Variants in C3orf20 observed in about 807,000 individuals in gnomAD.
C3orf20 encodes the protein family with sequence similarity 149 member C, also known as uncharacterized protein C3orf20.
Under a neutral mutation model 88.3 loss-of-function variants are expected in C3orf20, and 76 were observed. The observed-to-expected ratio is 0.86, with a 90% CI of 0.72 to 1.04. The LOEUF (loss-of-function observed/expected upper bound fraction) is 1.04, where lower values mean the gene tolerates loss of function less well. C3orf20 is among the 50% of genes least tolerant of loss of function. C3orf20 has a pLI of 0.00. For synonymous variants in C3orf20, 436 were observed against 437.4 expected (o/e 1.00, Z 0.04); for missense variants, 1,056 against 1,123.3 (o/e 0.94, Z 0.86).
intron 7 of C3orf20, among the ~76,000 whole-genome samples, chr3:14,704,928 C>T (rs1006869394): frequency 2.0e-4 from 31 of 152,320 alleles, no homozygotes; most frequent in East Asian, 7.7e-4. Context: ...TCAGTTGAGA[C>T]GTGGTTAAAG....
rs149190031 is a variant in C3orf20 at position 14,690,034 on chromosome 3, G to A, written c.663G>A (p.Ser221=). 422 of 1,614,084 alleles carry A rather than the reference G, an allele frequency of 2.6e-4. 3 individuals carry two copies. The African/African-American group carries it at 4.8e-3, about 18-fold the overall frequency. The change falls in exon 5 of 17, where the codon TCG becomes TCA. Residue 221 remains serine (S), a synonymous_variant. Coordinates refer to ENST00000253697, the MANE Select transcript of C3orf20 (RefSeq NM_032137.5). ...LANMSAIGVN[S]PYQLIYHSST... is the part of the protein sequence containing the mutation. The stretch of plus-strand genomic sequence containing the variant: ...ACATGTCCGCCATTGGGGTGAACTC[G>A]CCTTACCAGCTGATCTACCACTCTT...
intron 7 of C3orf20, among the ~76,000 whole-genome samples, chr3:14,709,582 G>T (rs914354439): frequency 3.3e-5 from 5 of 152,056 alleles, no homozygotes; most frequent in Non-Finnish European, 5.9e-5. Context: ...TCATGAAAGG[G>T]TATTGAATTT....
chr3:14,757,357 G>A lies in C3orf20; in HGVS notation c.1941-14G>A. 1 of 1,606,914 alleles carries A rather than the reference G, an allele frequency of 6.2e-7. No individual in the cohort carries two copies. Among genetic ancestry groups the A allele is most frequent in the Non-Finnish European group, 8.5e-7 (1 of 1,177,230 alleles). On this transcript the variant is annotated splice_polypyrimidine_tract_variant and intron_variant, in intron 12 of 16. Transcript: ENST00000253697. Reference sequence around the variant, plus strand: ...CCTTCTGAGGGTCCCTGTGCACTGTGCTCCTCCTTGCAGAGGGAAGGCCCG... The same window carrying A: ...CCTTCTGAGGGTCCCTGTGCACTGTACTCCTCCTTGCAGAGGGAAGGCCCG...
intron 12 of C3orf20, among the ~76,000 whole-genome samples, chr3:14,744,042 G>T (rs1005971818): frequency 1.3e-5 from 2 of 152,148 alleles, no homozygotes; most frequent in East Asian, 1.9e-4. Flanking sequence ...GCAAATTTCT[G>T]CAGCCAACTT....
chr3:14,767,717 C>A (rs1398238698), intron 15 of C3orf20, among the ~76,000 whole-genome samples: 1 of 152,254 alleles, frequency 6.6e-6, no homozygotes, highest in African/African-American at 2.4e-5. Context: ...CCACATGTCC[C>A]CAAAATCACA....
At chr3:14,696,119 G>GTT (rs35824281) in intron 5 of C3orf20, among the ~76,000 whole-genome samples, 96 of 143,962 alleles carry the variant, frequency 6.7e-4, no homozygotes, top group East Asian at 1.8e-3. Context: ...TAAATTTCTT[G>GTT]TTTTTTTTTT....
At chr3:14,691,695 A>G (rs1038187291) in intron 5 of C3orf20, among the ~76,000 whole-genome samples, 1 of 152,234 alleles carries the variant, frequency 6.6e-6, no homozygotes, top group Non-Finnish European at 1.5e-5. Flanking sequence ...ATACAGGCAC[A>G]CAATAATCAC....
At position 14,724,826 on chromosome 3, in the gene C3orf20, G is replaced by A. The variant is rs1429796320; in HGVS notation, c.1567-2075G>A. On this transcript the variant is annotated intron_variant, in intron 10 of 16. Transcript: ENST00000253697. ...ATTTCTAGTGGATCATGCTGGGCTA[G>A]AAGGTAGAGTCTCTATTAAGGGAAG... Among the ~76,000 whole-genome samples the A allele has an allele frequency of 2.0e-5, 3 of 152,328 alleles. No individual in the cohort carries two copies. The South Asian group carries it at 6.2e-4, about 32-fold the overall frequency.
At chr3:14,703,388 C>T (rs188464118) in intron 6 of C3orf20, 126 bp downstream of exon 6, 2 of 1,478,290 alleles carry the variant, frequency 1.4e-6, no homozygotes, top group Non-Finnish European at 1.8e-6. Flanking sequence ...CACCTGGGAG[C>T]GTGGGTTATG....
At chr3:14,727,718 G>A (rs528382615) in intron 11 of C3orf20, among the ~76,000 whole-genome samples, 3 of 152,204 alleles carry the variant, frequency 2.0e-5, no homozygotes, top group African/African-American at 4.8e-5. Context: ...CTTCCAATCG[G>A]TCACACCTCC....
chr3:14,697,448 A>G (rs1292787725), intron 5 of C3orf20, among the ~76,000 whole-genome samples: 1 of 151,862 alleles, frequency 6.6e-6, no homozygotes, highest in African/African-American at 2.4e-5. Context: ...GATAAATTCT[A>G]CTGTTAAAAG....
In C3orf20 at chr3:14,703,234, G is replaced by A. The variant is rs766254922; in HGVS notation, c.850G>A (p.Glu284Lys). 6.2e-7 allele frequency: 1 copy of A among 1,614,170 alleles called. No individual in the cohort carries two copies. Among genetic ancestry groups the A allele is most frequent in the Non-Finnish European group, 8.5e-7 (1 of 1,180,038 alleles). The change falls in exon 6 of 17, where the codon GAG becomes AAG. Residue 284 changes from glutamate to lysine, a missense_variant. Physicochemically the swap from Glu to Lys is moderately conservative, Grantham distance 56. Coordinates refer to ENST00000253697, the MANE Select transcript of C3orf20 (RefSeq NM_032137.5). ...CAGCGACCCCTGCCCTGAGGCCCGG[G>A]AGAAGCTGCAGGAGTTGTGTCGCCA... ...EFSDPCPEAREKLQELCRHIE... is the reference protein window; with the variant it reads ...EFSDPCPEARKKLQELCRHIE...
At chr3:14,715,799 TCTC>T (rs1432742528) in intron 9 of C3orf20, among the ~76,000 whole-genome samples, 1 of 152,196 alleles carries the variant, frequency 6.6e-6, no homozygotes, top group African/African-American at 2.4e-5. Context: ...TCTATATTGG[TCTC>T]CTCCGTTTTT....
intron 12 of C3orf20, among the ~76,000 whole-genome samples, chr3:14,745,048 G>A (rs1313690343): frequency 6.6e-6 from 1 of 152,246 alleles, no homozygotes; most frequent in Non-Finnish European, 1.5e-5. Flanking sequence ...ATGTGTTAAT[G>A]TTTCCAGATA....
chr3:14,736,628 A>G (rs1219296586), intron 12 of C3orf20, among the ~76,000 whole-genome samples: 2 of 149,296 alleles, frequency 1.3e-5, no homozygotes, highest in East Asian at 2.0e-4. Context: ...ATGCAGTGGC[A>G]TGGTCTCAGC....
At chr3:14,741,694 AGGTGTTACAGCTCTGGC>A (rs1347420289) in intron 12 of C3orf20, among the ~76,000 whole-genome samples, 2 of 152,186 alleles carry the variant, frequency 1.3e-5, no homozygotes, top group East Asian at 1.9e-4. Flanking sequence ...TTTACTGAAG[AGGTGTTACAGCTCTGGC>A]GGTGTTACAG....
At chr3:14,696,671 C>T (rs559612591) in intron 5 of C3orf20, among the ~76,000 whole-genome samples, 1 of 152,070 alleles carries the variant, frequency 6.6e-6, no homozygotes, top group Admixed American at 6.5e-5. Context: ...AGCCACCATG[C>T]TGACCTGTAG....
chr3:14,706,830 T>G (rs17254884), intron 7 of C3orf20, among the ~76,000 whole-genome samples: 1,580 of 152,246 alleles, frequency 0.01, 16 homozygotes, highest in Non-Finnish European at 0.016. Flanking sequence ...GTGCAGCTAT[T>G]TGATCCCTCT....
intron 12 of C3orf20, among the ~76,000 whole-genome samples, chr3:14,756,028 C>CAAAAAAAAAAAAA (rs56242160): frequency 3.3e-4 from 24 of 72,692 alleles, no homozygotes; most frequent in Non-Finnish European, 4.1e-4. Flanking sequence ...GACTCCATCT[C>CAAAAAAAAAAAAA]AAAAAAAAAA....
Sources: allele counts gnomAD v4.1 joint callset (sites outside exome capture counted in the v4.1 genomes callset), GRCh38; gene constraint gnomAD v4.1.1; transcripts MANE v1.5; gene names NCBI Gene and HGNC (gene_info 2026-07-23, HGNC 2026-07-21).